The following TP53BP2 variants were observed in gnomAD, a reference collection of about 807,000 sequenced individuals.
TP53BP2 encodes the protein tumor protein p53 binding protein 2.
A neutral mutation model predicts 126.2 loss-of-function variants in TP53BP2; 62 were observed. The ratio of observed to expected loss-of-function variants is 0.49; its 90% CI spans 0.40 to 0.61. The LOEUF is 0.61. TP53BP2 is among the 20% of genes least tolerant of loss of function. TP53BP2 has a pLI of 0.00. For missense variants in TP53BP2, 1,215 were observed against 1,402.8 expected, an observed-to-expected ratio of 0.87 and a Z score of 2.14; for synonymous variants, 485 against 502.9, an observed-to-expected ratio of 0.96 and a Z score of 0.48.
intron 1 of TP53BP2, among the ~76,000 whole-genome samples, chr1:223,828,460 T>C (rs1663578588): frequency 2.0e-5 from 3 of 152,212 alleles, no homozygotes; most frequent in African/African-American, 2.4e-5. Flanking sequence ...AATAACCACA[T>C]ACCATTCTTA....
chr1:223,803,404 T>A lies in TP53BP2; in HGVS notation c.698A>T (p.Glu233Val), dbSNP rs866787354. 1 of 1,613,952 alleles carries A rather than the reference T, an allele frequency of 6.2e-7. No homozygotes were observed. The highest frequency in any genetic ancestry group is 2.2e-5 in the East Asian group (1 of 44,880). Residue 233 changes from glutamate (E) to valine (V), a missense_variant, in exon 7 of 18, where the codon GAG becomes GTG. Physicochemically the swap from Glu to Val is moderately radical, Grantham distance 121. This residue lies in a region of TP53BP2 where 814 missense variants were observed against 853.0 expected (regional missense o/e 0.95). Coordinates refer to ENST00000343537, the MANE Select transcript of TP53BP2 (RefSeq NM_001031685.3). ...MNNLFQQKQR[E>V]LVLAVSKVEE... ...TACTTTTGACACAGCCAGGACGAGC[T>A]CCCTCTGTTTTTGCTGGAACAAATT... is the stretch of plus-strand genomic sequence containing the variant.
At chr1:223,845,090 A>C in intron 1 of TP53BP2, 1 of 251,478 alleles carries the variant, frequency 4.0e-6, no homozygotes, top group Non-Finnish European at 6.3e-6. Context: ...TGGGAAACGA[A>C]GGGAGCCAGG....
chr1:223,796,180 A>G lies in TP53BP2; in HGVS notation c.2359T>C (p.Ser787Pro), dbSNP rs771580646. 1 of 1,614,120 alleles carries G rather than the reference A, an allele frequency of 6.2e-7. No homozygotes were observed. Among genetic ancestry groups the G allele is most frequent in the Non-Finnish European group, 8.5e-7 (1 of 1,180,016 alleles). The change falls in exon 13 of 18, where the codon TCA (serine) becomes CCA (proline). Residue 787 changes from serine to proline, a missense_variant. Transcript: ENST00000343537. This position sits in a 1 kb window ranked among gnomAD's most constrained non-coding sequence, Gnocchi z 4.2. Reference sequence around the variant, plus strand: ...TTCTGGATTTCTACTGGGCTTTCTGAGCTGGCAGTCACAGAAGCTGACTTG... The same window carrying G: ...TTCTGGATTTCTACTGGGCTTTCTGGGCTGGCAGTCACAGAAGCTGACTTG... ...PSKSASVTAS[S>P]ESPVEIQNPY...
chr1:223,793,498 A>T lies in TP53BP2; in HGVS notation c.2725-58T>A. ...CTCGTCTATGCAAGAGAACAACAGC[A>T]GCAAATGGGAAGGAATGACTTCTCA... On this transcript the variant is annotated intron_variant, in intron 13 of 17. Transcript: ENST00000343537. 5 of 1,432,244 alleles carry T rather than the reference A, an allele frequency of 3.5e-6. No homozygotes were observed. The South Asian group carries it at 6.9e-5, about 20-fold the overall frequency. The allele number at this position is 1,432,244 out of a possible 1,614,324, so 88.7% of individuals were successfully genotyped here.
At chr1:223,810,840 T>C (rs1196121065) in intron 3 of TP53BP2, among the ~76,000 whole-genome samples, 1 of 152,170 alleles carries the variant, frequency 6.6e-6, no homozygotes, top group Non-Finnish European at 1.5e-5. Flanking sequence ...ACCATTTGCT[T>C]ATAGTTGCTC....
At chr1:223,797,542 A>T (rs188726002) in intron 12 of TP53BP2, among the ~76,000 whole-genome samples, 2 of 151,998 alleles carry the variant, frequency 1.3e-5, no homozygotes, top group Non-Finnish European at 2.9e-5. Context: ...TCTCCTGAGT[A>T]GCTGGGATTA....
intron 12 of TP53BP2, 87 bp downstream of exon 12, chr1:223,798,128 G>A (rs183970651): frequency 4.7e-5 from 60 of 1,267,614 alleles, no homozygotes; most frequent in Non-Finnish European, 4.4e-6. Flanking sequence ...TCAAAATAGG[G>A]ATTAGTTATT....
chr1:223,805,886 G>A (rs535218652), intron 5 of TP53BP2, among the ~76,000 whole-genome samples: 1 of 152,168 alleles, frequency 6.6e-6, no homozygotes, highest in African/African-American at 2.4e-5. Context: ...CTGAGTAGTT[G>A]CAACAGAGGC....
At chr1:223,837,737 C>A (rs979485691) in intron 1 of TP53BP2, among the ~76,000 whole-genome samples, 1 of 152,234 alleles carries the variant, frequency 6.6e-6, no homozygotes, top group Non-Finnish European at 1.5e-5. Context: ...ACTGTCCACA[C>A]AGCAACAGAG....
chr1:223,814,009 A>C (rs1447731125), intron 3 of TP53BP2, among the ~76,000 whole-genome samples: 1 of 150,168 alleles, frequency 6.7e-6, no homozygotes, highest in African/African-American at 2.5e-5. Flanking sequence ...ACCCTGCCTA[A>C]CAAGTATTTC....
intron 12 of TP53BP2, 68 bp downstream of exon 12, chr1:223,798,146 CT>C: frequency 6.9e-7 from 1 of 1,445,354 alleles, no homozygotes; most frequent in South Asian, 1.3e-5. Flanking sequence ...ATTTTGCTGT[CT>C]GCTGAGGGAT....
At chr1:223,782,244 T>C (rs1433105340) in intron 17 of TP53BP2, among the ~76,000 whole-genome samples, 1 of 152,188 alleles carries the variant, frequency 6.6e-6, no homozygotes, top group East Asian at 1.9e-4. Context: ...ACCATAAATA[T>C]ACACAATTTT....
At chr1:223,813,768 T>A (rs538319882) in intron 3 of TP53BP2, among the ~76,000 whole-genome samples, 84 of 151,958 alleles carry the variant, frequency 5.5e-4, no homozygotes, top group Non-Finnish European at 1.1e-3. Context: ...GTAAGCCCTC[T>A]CTCCTAATCT....
At chr1:223,782,424 G>T (rs919975654) in intron 17 of TP53BP2, among the ~76,000 whole-genome samples, 1 of 152,206 alleles carries the variant, frequency 6.6e-6, no homozygotes, top group African/African-American at 2.4e-5. Context: ...TCTAGTGCTA[G>T]AGACTCTGGA....
chr1:223,805,881 T>C (rs1662697259), intron 5 of TP53BP2, among the ~76,000 whole-genome samples: 1 of 152,120 alleles, frequency 6.6e-6, no homozygotes, highest in Admixed American at 6.6e-5. Flanking sequence ...CAGACCTGAG[T>C]AGTTGCAACA....
intron 1 of TP53BP2, among the ~76,000 whole-genome samples, chr1:223,830,828 G>C (rs920249845): frequency 1.3e-5 from 2 of 152,216 alleles, no homozygotes; most frequent in African/African-American, 4.8e-5. Flanking sequence ...GCCGGGCACA[G>C]TGGCTCACGC....
chr1:223,808,711 C>A, intron 4 of TP53BP2, among the ~76,000 whole-genome samples: 1 of 146,540 alleles, frequency 6.8e-6, no homozygotes, highest in African/African-American at 2.5e-5. Context: ...AGATACAACA[C>A]TAAAAGTATG....
At chr1:223,827,196 G>C (rs1405834932) in intron 1 of TP53BP2, among the ~76,000 whole-genome samples, 1 of 152,174 alleles carries the variant, frequency 6.6e-6, no homozygotes, top group African/African-American at 2.4e-5. Flanking sequence ...CTGGATGAGA[G>C]CAGCTAGGGC....
At chr1:223,828,477 T>A (rs565173934) in intron 1 of TP53BP2, among the ~76,000 whole-genome samples, 143 of 152,352 alleles carry the variant, frequency 9.4e-4, no homozygotes, top group African/African-American at 3.4e-3. Flanking sequence ...CTTATTCATA[T>A]ACATTGTGCC....
Sources: gnomAD v4.1 joint callset for allele counts (sites outside exome capture counted in the v4.1 genomes callset) on GRCh38, gnomAD v4.1.1 for gene constraint, gnomAD v4.1.1 regional missense constraint, Gnocchi (gnomAD v3.1) non-coding constraint, MANE v1.5 for transcripts, NCBI Gene and HGNC (gene_info 2026-07-23, HGNC 2026-07-21) for gene names.